The following TMEM132C variants were observed in gnomAD, a reference collection of about 807,000 sequenced individuals.
TMEM132C encodes transmembrane protein 132C.
TMEM132C carries 29 observed loss-of-function variants against 61.4 expected under a neutral mutation model. That is an observed-to-expected ratio of 0.47 (90% CI 0.35 to 0.64). The LOEUF is 0.64. Among genes scored for constraint, TMEM132C ranks in the 30% least tolerant of loss-of-function variants. The probability of loss-of-function intolerance (pLI) is 0.00; values close to 1 mark genes in which losing one functional copy is unlikely to be tolerated. For synonymous variants in TMEM132C, 656 were observed against 633.1 expected, an observed-to-expected ratio of 1.04 and a Z score of -0.54; for missense variants, 1,408 against 1,476.9, an observed-to-expected ratio of 0.95 and a Z score of 0.76.
At chr12:128,682,078 C>T (rs930045338) in intron 5 of TMEM132C, among the ~76,000 whole-genome samples, 1 of 152,106 alleles carries the variant, frequency 6.6e-6, no homozygotes, top group African/African-American at 2.4e-5. Context: ...CGCTTAGGTC[C>T]GTCCTGTGCT....
At chr12:128,579,146 G>A (rs747171885) in intron 3 of TMEM132C, among the ~76,000 whole-genome samples, 1 of 152,122 alleles carries the variant, frequency 6.6e-6, no homozygotes, top group Non-Finnish European at 1.5e-5. Flanking sequence ...CTTATAGCCT[G>A]GGGGCGAGCA....
rs1300143224 is a variant in TMEM132C at position 128,439,767 on chromosome 12, G to A, written c.974+24147G>A. Among the ~76,000 whole-genome samples, 4 of 152,148 alleles carry A rather than the reference G, an allele frequency of 2.6e-5. 1 individual carries two copies. The Middle Eastern group carries it at 0.01, about 388-fold the overall frequency. On this transcript the variant is annotated intron_variant, in intron 2 of 8. Coordinates refer to ENST00000435159, the MANE Select transcript of TMEM132C (RefSeq NM_001136103.3). ...GTAGTGGGGAGGGGGTCAAAGGGAG[G>A]GCACAATTGGATTTGACAGCATCCC...
chr12:128,305,805 T>C (rs1871755001), intron 1 of TMEM132C, among the ~76,000 whole-genome samples: 1 of 152,188 alleles, frequency 6.6e-6, no homozygotes, highest in East Asian at 1.9e-4. Context: ...TGTTTGAAGA[T>C]GGTGCTGATT....
At chr12:128,393,973 G>C (rs919443499) in intron 1 of TMEM132C, among the ~76,000 whole-genome samples, 3 of 152,224 alleles carry the variant, frequency 2.0e-5, no homozygotes, top group South Asian at 2.1e-4. Context: ...CTTTAAAGAC[G>C]GTGTATTAGT....
intron 2 of TMEM132C, among the ~76,000 whole-genome samples, chr12:128,487,141 C>T (rs1420126188): frequency 1.3e-5 from 2 of 152,138 alleles, no homozygotes; most frequent in Admixed American, 6.5e-5. Flanking sequence ...ACAGATCTTG[C>T]GTGGTATTGC....
intron 2 of TMEM132C, among the ~76,000 whole-genome samples, chr12:128,433,882 T>C (rs1333313702): frequency 1.3e-5 from 2 of 152,254 alleles, no homozygotes; most frequent in African/African-American, 2.4e-5. Context: ...CTATGTTTCC[T>C]GTGCAGTACA....
At chr12:128,619,454 C>T (rs1313955662) in intron 4 of TMEM132C, among the ~76,000 whole-genome samples, 1 of 152,240 alleles carries the variant, frequency 6.6e-6, no homozygotes, top group Non-Finnish European at 1.5e-5. Context: ...AGAGCAGACC[C>T]TGCAGGCGGA....
At chr12:128,452,218 C>T (rs181311039) in intron 2 of TMEM132C, among the ~76,000 whole-genome samples, 22 of 152,028 alleles carry the variant, frequency 1.4e-4, no homozygotes, top group Non-Finnish European at 2.2e-4. Context: ...CCTCAGGCTC[C>T]CGAGTAATAG....
intron 1 of TMEM132C, among the ~76,000 whole-genome samples, chr12:128,373,593 G>A (rs1294263708): frequency 6.6e-6 from 1 of 152,204 alleles, no homozygotes; most frequent in Non-Finnish European, 1.5e-5. Context: ...GTAGCGTAGT[G>A]GGATGTTCAG....
chr12:128,683,960 CTGTT>C lies in TMEM132C; in HGVS notation c.1450-9866_1450-9863del, dbSNP rs1954654611. 2.8e-5 allele frequency among the ~76,000 whole-genome samples: 4 copies of C among 142,508 alleles called. No individual in the cohort carries two copies. In the South Asian group the frequency reaches 8.9e-4, roughly 32 times the overall value. 93.5% of individuals were successfully genotyped at this position (142,508 alleles called of 152,430 possible). ...CAGCCTGGGCAACAAGAGCAAAACT[CTGTT>C]TGAAATTAAATAAATAAATAAATAA... On this transcript the variant is annotated intron_variant, in intron 5 of 8. Transcript: ENST00000435159.
At chr12:128,595,397 G>A (rs1875908952) in intron 3 of TMEM132C, among the ~76,000 whole-genome samples, 1 of 152,192 alleles carries the variant, frequency 6.6e-6, no homozygotes, top group Admixed American at 6.5e-5. Context: ...AATACTACTA[G>A]AGTCCAGGGT....
intron 1 of TMEM132C, among the ~76,000 whole-genome samples, chr12:128,361,961 G>A (rs1203951206): frequency 2.0e-5 from 3 of 152,152 alleles, no homozygotes; most frequent in Non-Finnish European, 4.4e-5. Flanking sequence ...GAGCGGGAGT[G>A]CAGATGAGCA....
intron 1 of TMEM132C, among the ~76,000 whole-genome samples, chr12:128,349,585 G>C (rs548108786): frequency 6.6e-6 from 1 of 152,134 alleles, no homozygotes; most frequent in Non-Finnish European, 1.5e-5. Context: ...GCCACTCATA[G>C]GTTCTTGTCA....
intron 4 of TMEM132C, among the ~76,000 whole-genome samples, chr12:128,628,093 G>T (rs980148615): frequency 4.6e-5 from 7 of 152,114 alleles, no homozygotes; most frequent in Non-Finnish European, 8.8e-5. Context: ...AAATGCAGCA[G>T]TCTCCCCCCA....
chr12:128,646,131 A>G (rs1954195808), intron 4 of TMEM132C, among the ~76,000 whole-genome samples: 2 of 150,458 alleles, frequency 1.3e-5, no homozygotes, highest in African/African-American at 4.9e-5. Context: ...AGCTCAGTCC[A>G]TCAGTATTGG....
intron 2 of TMEM132C, among the ~76,000 whole-genome samples, chr12:128,522,067 C>G (rs1021301755): frequency 1.3e-5 from 2 of 152,132 alleles, no homozygotes; most frequent in African/African-American, 4.8e-5. Flanking sequence ...CTGTATTTTC[C>G]AGACCTAAAC....
intron 1 of TMEM132C, among the ~76,000 whole-genome samples, chr12:128,293,659 T>A (rs1031410539): frequency 3.9e-5 from 6 of 152,060 alleles, no homozygotes; most frequent in African/African-American, 1.4e-4. Flanking sequence ...TTCTCAGGAG[T>A]GGAGCCCATT....
chr12:128,397,150 T>C (rs375982604), intron 1 of TMEM132C, among the ~76,000 whole-genome samples: 200 of 152,262 alleles, frequency 1.3e-3, no homozygotes, highest in African/African-American at 4.2e-3. Context: ...CTTCTAGTAG[T>C]TGGGCTCAGG....
chr12:128,614,092 G>GC (rs914875937), intron 3 of TMEM132C, among the ~76,000 whole-genome samples: 1 of 152,056 alleles, frequency 6.6e-6, no homozygotes, highest in Admixed American at 6.6e-5. Flanking sequence ...CAGAACCCTG[G>GC]CCCCCCTACA....
Sources: allele counts gnomAD v4.1 joint callset (sites outside exome capture counted in the v4.1 genomes callset), GRCh38; gene constraint gnomAD v4.1.1; transcripts MANE v1.5; gene names NCBI Gene and HGNC (gene_info 2026-07-23, HGNC 2026-07-21).